The following ATP10A variants were observed in gnomAD, a reference collection of about 807,000 sequenced individuals.
ATP10A encodes phospholipid-transporting ATPase VA.
ATP10A carries 111 observed loss-of-function variants against 147.8 expected under a neutral mutation model. The ratio of observed to expected loss-of-function variants is 0.75; its 90% confidence interval spans 0.64 to 0.88. The LOEUF (loss-of-function observed/expected upper bound fraction) is 0.88, where lower values mean the gene tolerates loss of function less well. Ranked by LOEUF, ATP10A falls within the 40% of genes least tolerant of loss-of-function variation. ATP10A has a pLI of 0.00. For synonymous variants in ATP10A, 875 were observed against 841.6 expected (o/e 1.04, Z -0.69); for missense variants, 1,927 against 1,959.0 (o/e 0.98, Z 0.31).
chr15:25,739,926 C>A (rs1887491077), intron 2 of ATP10A, among the ~76,000 whole-genome samples: 1 of 152,192 alleles, frequency 6.6e-6, no homozygotes, highest in African/African-American at 2.4e-5. Flanking sequence ...GAGACCGCAG[C>A]AGCAGGTGCT....
intron 1 of ATP10A, among the ~76,000 whole-genome samples, chr15:25,807,410 A>G (rs552438483): frequency 3.3e-5 from 5 of 152,376 alleles, no homozygotes; most frequent in African/African-American, 9.6e-5. Flanking sequence ...CGCTAGCTCA[A>G]TGAATGAAGG....
intron 1 of ATP10A, among the ~76,000 whole-genome samples, chr15:25,800,742 G>C (rs918418810): frequency 6.6e-6 from 1 of 152,192 alleles, no homozygotes; most frequent in Non-Finnish European, 1.5e-5. Flanking sequence ...CACTCTGGGG[G>C]CCCCTGAGGC....
At chr15:25,773,193 G>A (rs1047946037) in intron 2 of ATP10A, among the ~76,000 whole-genome samples, 4 of 152,050 alleles carry the variant, frequency 2.6e-5, no homozygotes, top group African/African-American at 4.8e-5. Context: ...TGCTGTAGAC[G>A]GGCGAAACTC....
intron 16 of ATP10A, among the ~76,000 whole-genome samples, chr15:25,685,774 G>T (rs2925230): frequency 0.8 from 121,016 of 150,760 alleles, 49,290 homozygotes; most frequent in East Asian, 0.98. Context: ...CAGTAAGCTA[G>T]AGTGGCGCCA....
chr15:25,851,818 A>T (rs1203599593), intron 1 of ATP10A, among the ~76,000 whole-genome samples: 2 of 152,144 alleles, frequency 1.3e-5, no homozygotes, highest in African/African-American at 4.8e-5. Context: ...CGGTCTCAGT[A>T]TTTTGGGAGC....
intron 7 of ATP10A, among the ~76,000 whole-genome samples, chr15:25,720,038 T>C (rs1408346698): frequency 1.3e-5 from 2 of 152,334 alleles, no homozygotes; most frequent in East Asian, 3.9e-4. Flanking sequence ...GGAAGCTCCC[T>C]GTGTCTTGAG....
chr15:25,801,609 C>T (rs1890944117), intron 1 of ATP10A, among the ~76,000 whole-genome samples: 1 of 152,254 alleles, frequency 6.6e-6, no homozygotes, highest in African/African-American at 2.4e-5. Flanking sequence ...CTTCAATTTG[C>T]TAAGCATGTT....
At chr15:25,673,014 G>C (rs1419002333), downstream of ATP10A, among the ~76,000 whole-genome samples, 3 of 152,120 alleles carry the variant, frequency 2.0e-5, no homozygotes, top group Non-Finnish European at 2.9e-5. Context: ...ATCCTGGGGT[G>C]GGACGAGGAG....
At chr15:25,727,368 T>C in intron 3 of ATP10A, 102 bp from the exon 4 acceptor site, 1 of 1,054,758 alleles carries the variant, frequency 9.5e-7, no homozygotes, top group Non-Finnish European at 1.4e-6. Context: ...CAATGAAAGC[T>C]TGGGGCCGCT....
intron 2 of ATP10A, among the ~76,000 whole-genome samples, chr15:25,763,255 T>C (rs1014840271): frequency 6.6e-6 from 1 of 152,204 alleles, no homozygotes; most frequent in Non-Finnish European, 1.5e-5. Context: ...CCCATGGAAT[T>C]CTTGAAATAA....
intron 1 of ATP10A, among the ~76,000 whole-genome samples, chr15:25,786,992 T>C (rs1196735219): frequency 1.3e-5 from 2 of 151,922 alleles, no homozygotes; most frequent in Admixed American, 1.3e-4. Flanking sequence ...GTGCTGGATA[T>C]CCTATTATGA....
chr15:25,721,494 T>C (rs1902223790), intron 7 of ATP10A, among the ~76,000 whole-genome samples, 163 bp downstream of exon 7: 1 of 152,022 alleles, frequency 6.6e-6, no homozygotes, highest in Admixed American at 6.6e-5. Context: ...CCTGAGCTGC[T>C]GTGACAGCCA....
At chr15:25,720,280 C>T (rs1039090819) in intron 7 of ATP10A, among the ~76,000 whole-genome samples, 10 of 152,166 alleles carry the variant, frequency 6.6e-5, no homozygotes, top group Non-Finnish European at 8.8e-5. Flanking sequence ...ATTAACAAAT[C>T]TGTCACTTTG....
In ATP10A at chr15:25,727,145, G is replaced by T; in HGVS notation, c.847+15C>A. On this transcript the variant is annotated intron_variant, in intron 4 of 20. Coordinates refer to ENST00000555815, the MANE Select transcript of ATP10A (RefSeq NM_024490.4). ...CGCTGTCTGGCGGCAGGTGGTGCCA[G>T]GTGCCCGAGCCTACCTGCGTAGATG... is the stretch of plus-strand genomic sequence containing the variant. 1 of 1,604,460 alleles carries T rather than the reference G, an allele frequency of 6.2e-7. No individual in the cohort carries two copies. Among genetic ancestry groups the T allele is most frequent in the Non-Finnish European group, 8.5e-7 (1 of 1,171,248 alleles).
At chr15:25,827,105 G>A (rs1340995770) in intron 1 of ATP10A, among the ~76,000 whole-genome samples, 1 of 152,160 alleles carries the variant, frequency 6.6e-6, no homozygotes, top group Non-Finnish European at 1.5e-5. Flanking sequence ...AGGACAAAAT[G>A]GAGTCAGGTG....
chr15:25,804,056 T>C (rs1161838078), intron 1 of ATP10A, among the ~76,000 whole-genome samples: 1 of 146,708 alleles, frequency 6.8e-6, no homozygotes, highest in Non-Finnish European at 1.5e-5. Context: ...TGTCCATATG[T>C]GTGGTGTGTC....
intron 1 of ATP10A, among the ~76,000 whole-genome samples, chr15:25,810,350 A>C (rs1401097526): frequency 2.6e-5 from 4 of 152,196 alleles, no homozygotes; most frequent in African/African-American, 9.6e-5. Flanking sequence ...ACCGGGACCA[A>C]GCCCTAGGTA....
chr15:25,862,140 T>C (rs1205756229), intron 1 of ATP10A: 2 of 392,778 alleles, frequency 5.1e-6, no homozygotes, highest in South Asian at 1.8e-5. Flanking sequence ...CCCTGGTACC[T>C]GGGCCGTGCC....
At chr15:25,709,270 G>C (rs1043650554) in intron 10 of ATP10A, 1 of 152,176 alleles carries the variant, frequency 6.6e-6, no homozygotes, top group Non-Finnish European at 1.5e-5. Context: ...AGTTGCCCTA[G>C]AATCCTTTGC....
Sources: gnomAD v4.1 joint callset for allele counts (sites outside exome capture counted in the v4.1 genomes callset) on GRCh38, gnomAD v4.1.1 for gene constraint, MANE v1.5 for transcripts, NCBI Gene and HGNC (gene_info 2026-07-23, HGNC 2026-07-21) for gene names.